Variants in NUP98 observed in about 807,000 individuals in gnomAD.
NUP98 encodes nuclear pore complex protein Nup98-Nup96.
Under a neutral mutation model 191.9 loss-of-function variants are expected in NUP98, and 26 were observed. The ratio of observed to expected loss-of-function variants is 0.14; its 90% CI spans 0.10 to 0.19. The LOEUF is 0.19. Ranked by LOEUF, NUP98 falls within the 10% of genes least tolerant of loss-of-function variation. NUP98 has a pLI of 1.00. For missense variants in NUP98, 1,941 were observed against 2,178.8 expected (o/e 0.89, Z 2.17); for synonymous variants, 808 against 778.4 (o/e 1.04, Z -0.63).
chr11:3,676,038 G>T lies in NUP98; in HGVS notation c.*121C>A. 1.2e-6 allele frequency: 1 copy of T among 850,018 alleles called. No individual in the cohort carries two copies. The highest frequency in any genetic ancestry group is 1.9e-6 in the Non-Finnish European group (1 of 536,104). 52.7% of individuals were successfully genotyped at this position (850,018 alleles called of 1,614,324 possible). A position where few individuals can be genotyped will look rare whatever the true frequency, so the allele number is the denominator to read the frequency against. On this transcript the variant is annotated 3_prime_UTR_variant, in exon 33 of 33. Transcript: ENST00000324932. ...GTGGAGGATGCTGCTTCTGGCAGCA[G>T]GGAGGGAGGGTAGATGCCACAGCCA...
chr11:3,787,505 C>A (rs1390738955), intron 1 of NUP98, among the ~76,000 whole-genome samples: 1 of 151,958 alleles, frequency 6.6e-6, no homozygotes, highest in Non-Finnish European at 1.5e-5. Context: ...GTCGCTCGAA[C>A]CCGGAAGGCA....
chr11:3,752,951 T>C (rs1407102595), intron 11 of NUP98, among the ~76,000 whole-genome samples: 1 of 152,058 alleles, frequency 6.6e-6, no homozygotes, highest in Non-Finnish European at 1.5e-5. Context: ...TGCTCTGCCT[T>C]TCTATTAGGG....
In NUP98 at chr11:3,700,709, C is replaced by T. The variant is rs1168848703; in HGVS notation, c.3643G>A (p.Glu1215Lys). ...TTGGGGACAATGAGAGGACACAGTT[C>T]ATCCACATGGACAGTGCTGTGTTTT... ...KLKHSTVHVDELCPLIVPNLG... is the reference protein window; with the variant it reads ...KLKHSTVHVDKLCPLIVPNLG... The change falls in exon 24 of 33, where the codon GAA becomes AAA. Residue 1215 changes from glutamate to lysine, a missense_variant. This residue lies in a region of NUP98 where 1,030 missense variants were observed against 1,115.8 expected (regional missense o/e 0.92). Coordinates refer to ENST00000324932, the MANE Select transcript of NUP98 (RefSeq NM_016320.5). 1.2e-6 allele frequency: 2 copies of T among 1,614,154 alleles called. No homozygotes were observed. The highest frequency in any genetic ancestry group is 1.3e-5 in the African/African-American group (1 of 75,060).
intron 1 of NUP98, among the ~76,000 whole-genome samples, chr11:3,793,982 A>C (rs1419395711): frequency 6.6e-6 from 1 of 152,074 alleles, no homozygotes; most frequent in Admixed American, 6.6e-5. Flanking sequence ...AAAATAAATA[A>C]ATAAATAAAT....
chr11:3,786,541 T>C (rs181465339), intron 1 of NUP98, among the ~76,000 whole-genome samples: 154 of 152,316 alleles, frequency 1.0e-3, no homozygotes, highest in Admixed American at 2.9e-3. Context: ...TTATCCTTAA[T>C]TTTACTCTGT....
intron 16 of NUP98, among the ~76,000 whole-genome samples, chr11:3,722,770 G>C (rs985624613): frequency 1.3e-5 from 2 of 151,962 alleles, no homozygotes; most frequent in Admixed American, 6.6e-5. Flanking sequence ...CCAAGACTGC[G>C]ACACTGCACT....
intron 4 of NUP98, 88 bp from the exon 5 acceptor site, chr11:3,776,109 T>C (rs933152628): frequency 7.2e-6 from 6 of 831,158 alleles, no homozygotes; most frequent in Non-Finnish European, 1.2e-5. Context: ...GGCACTAGCA[T>C]CACAGTACTT....
intron 5 of NUP98, among the ~76,000 whole-genome samples, chr11:3,774,113 CG>C (rs1457039387): frequency 8.6e-5 from 13 of 152,018 alleles, no homozygotes; most frequent in Non-Finnish European, 1.6e-4. Flanking sequence ...TAAAAAAATA[CG>C]GAGGGCCAGG....
At chr11:3,692,188 G>A (rs2078333210) in intron 27 of NUP98, among the ~76,000 whole-genome samples, 1 of 151,908 alleles carries the variant, frequency 6.6e-6, no homozygotes, top group East Asian at 1.9e-4. Flanking sequence ...AATTAGCCAG[G>A]CATGGTGGTA....
chr11:3,784,637 C>CGTA (rs2082083377), intron 1 of NUP98, among the ~76,000 whole-genome samples: 2 of 151,324 alleles, frequency 1.3e-5, no homozygotes, highest in Admixed American at 6.6e-5. Flanking sequence ...GTACGAAGCT[C>CGTA]CAGCTACTAG....
chr11:3,761,364 C>T (rs916160582), intron 9 of NUP98, among the ~76,000 whole-genome samples: 2 of 152,290 alleles, frequency 1.3e-5, no homozygotes, highest in African/African-American at 2.4e-5. Context: ...CAGTAGCTCA[C>T]GCCTGTAATC....
At position 3,726,361 on chromosome 11, in the gene NUP98, T is replaced by C. The variant is rs1042656043; in HGVS notation, c.1731-1142A>G. On this transcript the variant is annotated intron_variant, in intron 14 of 32. Coordinates refer to ENST00000324932, the MANE Select transcript of NUP98 (RefSeq NM_016320.5). ...TATAATAAATTAAAAACTGATGAAA[T>C]AGGAAACAATCACAGGAGCGAGAAC... is the stretch of plus-strand genomic sequence containing the variant. Among the ~76,000 whole-genome samples, 5 of 151,166 alleles carry C rather than the reference T, an allele frequency of 3.3e-5. No homozygotes were observed. The South Asian group carries it at 6.2e-4, about 19-fold the overall frequency.
chr11:3,685,770 A>C (rs1250952774), intron 29 of NUP98, among the ~76,000 whole-genome samples: 1 of 152,222 alleles, frequency 6.6e-6, no homozygotes, highest in Admixed American at 6.5e-5. Context: ...ACTTAATCAA[A>C]GGAAGTCTCA....
At chr11:3,709,801 T>G (rs1485520570) in intron 20 of NUP98, among the ~76,000 whole-genome samples, 7 of 93,310 alleles carry the variant, frequency 7.5e-5, no homozygotes, top group African/African-American at 3.0e-4. Context: ...TGAGGTACAC[T>G]CTGGGGACTG....
At chr11:3,779,296 T>C (rs756706351) in intron 2 of NUP98, 39 bp from the exon 3 acceptor site, 2 of 1,456,222 alleles carry the variant, frequency 1.4e-6, no homozygotes, top group South Asian at 2.3e-5. Context: ...GAATTTAGAA[T>C]AAAATCTACG....
intron 4 of NUP98, 44 bp downstream of exon 4, chr11:3,778,829 A>G: frequency 6.3e-7 from 1 of 1,581,112 alleles, no homozygotes; most frequent in Non-Finnish European, 8.6e-7. Flanking sequence ...TTCAATAAGC[A>G]AACCAAATTA....
At chr11:3,690,417 G>T (rs1158148000) in intron 28 of NUP98, among the ~76,000 whole-genome samples, 1 of 151,882 alleles carries the variant, frequency 6.6e-6, no homozygotes, top group African/African-American at 2.4e-5. Context: ...CCGCCACCAC[G>T]TCCAGATAAT....
intron 20 of NUP98, 43 bp downstream of exon 20, chr11:3,712,521 G>A: frequency 6.2e-7 from 1 of 1,608,076 alleles, no homozygotes; most frequent in Non-Finnish European, 8.5e-7. Context: ...TTCAACTTCG[G>A]TATCACGGAT....
At chr11:3,774,947 T>A (rs1030963421) in intron 5 of NUP98, among the ~76,000 whole-genome samples, 14 of 152,128 alleles carry the variant, frequency 9.2e-5, no homozygotes, top group African/African-American at 3.4e-4. Context: ...TTTTCTGGAG[T>A]ATATTTTAAC....
Sources: gnomAD v4.1 joint callset for allele counts (sites outside exome capture counted in the v4.1 genomes callset) on GRCh38, gnomAD v4.1.1 for gene constraint, gnomAD v4.1.1 regional missense constraint, MANE v1.5 for transcripts, NCBI Gene and HGNC (gene_info 2026-07-23, HGNC 2026-07-21) for gene names.